Variants in ZNF2 observed in about 807,000 individuals in gnomAD.
The protein encoded by ZNF2 is zinc finger protein 2, also known as zinc finger protein 2.2.
A neutral mutation model predicts 21.9 loss-of-function variants in ZNF2; 12 were observed. That is an observed-to-expected ratio of 0.55 (90% CI 0.35 to 0.89). ZNF2 has a LOEUF of 0.89. Among genes scored for constraint, ZNF2 ranks in the 40% least tolerant of loss-of-function variants. The pLI is 0.01. For missense variants in ZNF2, 462 were observed against 544.2 expected (o/e 0.85, Z 1.50); for synonymous variants, 186 against 196.3 (o/e 0.95, Z 0.44).
chr2:95,181,810 C>G lies in ZNF2; in HGVS notation c.982C>G (p.Leu328Val), dbSNP rs768357827. The G allele has an allele frequency of 6.2e-7, 1 of 1,614,230 alleles. No individual in the cohort carries two copies. Residue 328 changes from leucine (L) to valine (V), a missense_variant, in exon 5 of 5, where the codon CTG becomes GTG. Leu to Val is a conservative substitution (Grantham distance 32). Coordinates refer to ENST00000614034, the MANE Select transcript of ZNF2 (RefSeq NM_021088.4). ...CGKAFYGVSS[L>V]NRHQKAHAGD... is the part of the protein sequence containing the mutation. The stretch of plus-strand genomic sequence containing the variant: ...GAAAGCTTTCTATGGTGTCTCGTCT[C>G]TGAATAGACATCAGAAAGCTCATGC...
rs748765094 is a variant in ZNF2, at chr2:95,181,779, G to A, written c.951G>A (p.Glu317=). 6.2e-7 allele frequency: 1 copy of A among 1,614,210 alleles called. No individual in the cohort carries two copies. ...HTGRKPYECN[E]CGKAFYGVSS... ...GCAGGAAGCCTTATGAGTGTAACGAGTGCGGGAAAGCTTTCTATGGTGTCT... is the reference window on the plus strand; with the variant it reads ...GCAGGAAGCCTTATGAGTGTAACGAATGCGGGAAAGCTTTCTATGGTGTCT... Residue 317 remains glutamate, a synonymous_variant, in exon 5 of 5, where the codon GAG becomes GAA. Transcript: ENST00000614034.
chr2:95,171,383 T>TTC (rs1674262398), intron 1 of ZNF2, among the ~76,000 whole-genome samples: 1 of 139,810 alleles, frequency 7.2e-6, no homozygotes, highest in African/African-American at 2.6e-5. Flanking sequence ...CTTCTTCTTC[T>TTC]TTTTTTTTTT....
In ZNF2 at chr2:95,181,977, G is replaced by C. The variant is rs1397169958; in HGVS notation, c.1149G>C (p.Arg383=). The change falls in exon 5 of 5, where the codon CGG becomes CGC. Residue 383 remains arginine (R), a synonymous_variant. Transcript: ENST00000614034. ...GGAAAGCCTTTAGCCAGCGGTGCCGGCTCACGCGGCATCAGCGTGTCCACA... is the reference window on the plus strand; with the variant it reads ...GGAAAGCCTTTAGCCAGCGGTGCCGCCTCACGCGGCATCAGCGTGTCCACA... ...ECGKAFSQRC[R]LTRHQRVHTG... 1 of 1,614,286 alleles carries C rather than the reference G, an allele frequency of 6.2e-7. No individual in the cohort carries two copies. The highest frequency in any genetic ancestry group is 2.2e-5 in the East Asian group (1 of 44,892).
At chr2:95,173,213 C>T (rs1204454549) in intron 1 of ZNF2, among the ~76,000 whole-genome samples, 7 of 151,868 alleles carry the variant, frequency 4.6e-5, no homozygotes, top group Non-Finnish European at 8.8e-5. Context: ...TCTCTGTTAA[C>T]ATGAGATAAT....
intron 1 of ZNF2, among the ~76,000 whole-genome samples, chr2:95,170,611 C>T (rs1404073591): frequency 1.1e-4 from 16 of 152,212 alleles, no homozygotes; most frequent in Non-Finnish European, 2.9e-5. Context: ...GAGTTAAATG[C>T]TACCAAACAG....
In ZNF2 at chr2:95,181,500, T is replaced by C. The variant is rs1242933919; in HGVS notation, c.672T>C (p.Thr224=). Residue 224 remains threonine, a synonymous_variant, in exon 5 of 5, where the codon ACT becomes ACC. Transcript: ENST00000614034. ...SSLSRHLMSH[T]GESPYECSVC... ...TCAGCAGACATCTGATGTCACACACTGGGGAGAGCCCCTACGAGTGCAGTG... is the reference window on the plus strand; with the variant it reads ...TCAGCAGACATCTGATGTCACACACCGGGGAGAGCCCCTACGAGTGCAGTG... 6.2e-7 allele frequency: 1 copy of C among 1,614,176 alleles called. No individual in the cohort carries two copies. Among genetic ancestry groups the C allele is most frequent in the Admixed American group, 1.7e-5 (1 of 60,028 alleles).
intron 3 of ZNF2, among the ~76,000 whole-genome samples, chr2:95,178,587 G>C (rs576273559): frequency 6.6e-6 from 1 of 152,260 alleles, no homozygotes; most frequent in East Asian, 1.9e-4. Flanking sequence ...CAATCCTTGG[G>C]CCCAATAAGA....
intron 3 of ZNF2, among the ~76,000 whole-genome samples, chr2:95,178,084 A>G (rs897300452): frequency 1.3e-5 from 2 of 152,074 alleles, no homozygotes; most frequent in African/African-American, 4.8e-5. Context: ...GTCACCAGAT[A>G]TATGTTTGAT....
At position 95,183,291 on chromosome 2, in the gene ZNF2, T is replaced by C. The variant is rs1279067745; in HGVS notation, c.*1185T>C. 1 of 152,180 alleles carries C rather than the reference T, an allele frequency of 6.6e-6. No homozygotes were observed. The highest frequency in any genetic ancestry group is 2.4e-5 in the African/African-American group (1 of 41,430). The allele number at this position is 152,180 out of a possible 1,614,324, so 9.4% of individuals were successfully genotyped here. On this transcript the variant is annotated 3_prime_UTR_variant, in exon 5 of 5. Coordinates refer to ENST00000614034, the MANE Select transcript of ZNF2 (RefSeq NM_021088.4). ...GAAAGCTAGAGGAATTTGTAGGATA[T>C]TTTCTTAGACCCAGGCTTACATCAC... is the stretch of plus-strand genomic sequence containing the variant.
intron 3 of ZNF2, among the ~76,000 whole-genome samples, chr2:95,179,401 A>T (rs1674559894): frequency 6.6e-6 from 1 of 152,214 alleles, no homozygotes; most frequent in African/African-American, 2.4e-5. Context: ...GCTTGTATAC[A>T]CTTCTAATTT....
intron 1 of ZNF2, among the ~76,000 whole-genome samples, chr2:95,171,475 C>T (rs184705725): frequency 2.1e-4 from 31 of 150,558 alleles, no homozygotes; most frequent in Admixed American, 1.7e-3. Flanking sequence ...CTTTGCCTCC[C>T]GGGTTTGAGC....
chr2:95,175,245 T>C (rs1674401282), intron 1 of ZNF2, among the ~76,000 whole-genome samples: 1 of 152,188 alleles, frequency 6.6e-6, no homozygotes, highest in African/African-American at 2.4e-5. Flanking sequence ...GAATTAGTGA[T>C]AAGATCTTGC....
intron 1 of ZNF2, among the ~76,000 whole-genome samples, chr2:95,172,602 A>C (rs1674314419): frequency 6.6e-6 from 1 of 151,572 alleles, no homozygotes; most frequent in African/African-American, 2.4e-5. Flanking sequence ...TAATTTTAAA[A>C]GTGTGCATTC....
Position 95,177,608 on chromosome 2 carries a change from G to C in ZNF2, c.159G>C (p.Leu53Phe), listed in dbSNP as rs1322541502. Residue 53 changes from leucine (L) to phenylalanine (F), a missense_variant and splice_region_variant, in exon 3 of 5, where the codon TTG becomes TTC. Coordinates refer to ENST00000614034, the MANE Select transcript of ZNF2 (RefSeq NM_021088.4). The part of the protein sequence containing the change: ...MLENYNSIVS[L>F]GLPVPQPDVI... ...AGAACTATAACAGCATTGTGTCATT[G>C]GGTAAGGGGAGCCTCCATGAGGAGG... 1 of 1,613,446 alleles carries C rather than the reference G, an allele frequency of 6.2e-7. No homozygotes were observed. The highest frequency in any genetic ancestry group is 8.5e-7 in the Non-Finnish European group (1 of 1,179,690).
intron 4 of ZNF2, among the ~76,000 whole-genome samples, 166 bp downstream of exon 4, chr2:95,180,438 G>A (rs758816500): frequency 6.6e-6 from 1 of 150,966 alleles, no homozygotes; most frequent in African/African-American, 2.4e-5. Context: ...ACACCTTAAC[G>A]TGTTATTCAT....
At position 95,181,354 on chromosome 2, in the gene ZNF2, AGTGACT is replaced by A. The variant is rs1204823501; in HGVS notation, c.530_535del (p.Asp177_Cys178del). ...CACTAAAGAGAGACACCAGGAATGC[AGTGACT>A]GTGGGAAGACCTTTTTTGACCACTC... On this transcript the variant is annotated inframe_deletion, in exon 5 of 5. Transcript: ENST00000614034. 1.4e-5 allele frequency: 22 copies of A among 1,614,230 alleles called. No homozygotes were observed. The highest frequency in any genetic ancestry group is 1.9e-5 in the Non-Finnish European group (22 of 1,180,038).
rs368628585 is a variant in ZNF2, at chr2:95,181,415, C to G, written c.587C>G (p.Thr196Ser). ...SSLTRHQRTH[T>S]GEKPYDCREC... ...CTCACCCGCCATCAGAGGACTCACA[C>G]TGGGGAGAAGCCCTACGACTGCCGC... Residue 196 changes from threonine to serine, a missense_variant, in exon 5 of 5, where the codon ACT becomes AGT. Transcript: ENST00000614034. 5.9e-5 allele frequency: 96 copies of G among 1,614,208 alleles called. 1 individual carries two copies. The highest frequency in any genetic ancestry group is 1.6e-4 in the Middle Eastern group (1 of 6,062).
rs1314492251 is a variant in ZNF2, at chr2:95,182,743, C to T, written c.*637C>T. On this transcript the variant is annotated 3_prime_UTR_variant, in exon 5 of 5. Transcript: ENST00000614034. ...GGTTTAGAGAGATTAAATCACTTGCCCAAGGTGAACCAGCTGGTAAAAGGT... is the reference window on the plus strand; with the variant it reads ...GGTTTAGAGAGATTAAATCACTTGCTCAAGGTGAACCAGCTGGTAAAAGGT... 3.3e-5 allele frequency: 5 copies of T among 152,576 alleles called. No individual in the cohort carries two copies. The highest frequency in any genetic ancestry group is 3.3e-4 in the Admixed American group (5 of 15,274). 9.5% of individuals were successfully genotyped at this position (152,576 alleles called of 1,614,324 possible).
In ZNF2 at chr2:95,183,588, T is replaced by G. The variant is rs1674754610; in HGVS notation, c.*1482T>G. Reference sequence around the variant, plus strand: ...AATTTTACCTCCTGACTCCAAAAACTCTTCTCTTCCCTGGGCCCAGTCCTA... The same window carrying G: ...AATTTTACCTCCTGACTCCAAAAACGCTTCTCTTCCCTGGGCCCAGTCCTA... On this transcript the variant is annotated 3_prime_UTR_variant, in exon 5 of 5. Coordinates refer to ENST00000614034, the MANE Select transcript of ZNF2 (RefSeq NM_021088.4). 1 of 149,972 alleles carries G rather than the reference T, an allele frequency of 6.7e-6. No homozygotes were observed. Among genetic ancestry groups the G allele is most frequent in the Non-Finnish European group, 1.5e-5 (1 of 67,702 alleles). The allele number at this position is 149,972 out of a possible 1,614,324, so 9.3% of individuals were successfully genotyped here.
Sources: allele counts gnomAD v4.1 joint callset (sites outside exome capture counted in the v4.1 genomes callset), GRCh38; gene constraint gnomAD v4.1.1; transcripts MANE v1.5; gene names NCBI Gene and HGNC (gene_info 2026-07-23, HGNC 2026-07-21).